Variants in CCDC91 observed in about 807,000 individuals in gnomAD.
CCDC91 encodes the protein coiled-coil domain-containing protein 91.
In CCDC91, 48 loss-of-function variants were observed where a neutral mutation model predicts 63.2. The observed-to-expected ratio is 0.76, with a 90% confidence interval of 0.60 to 0.97. The LOEUF (loss-of-function observed/expected upper bound fraction) is 0.97. Ranked by LOEUF, CCDC91 falls within the 50% of genes least tolerant of loss-of-function variation. CCDC91 has a pLI of 0.00. For synonymous variants in CCDC91, 167 were observed against 165.8 expected (o/e 1.01, Z -0.06); for missense variants, 500 against 494.6 (o/e 1.01, Z -0.10).
chr12:28,516,301 A>T (rs1358457706), intron 12 of CCDC91, among the ~76,000 whole-genome samples: 1 of 151,918 alleles, frequency 6.6e-6, no homozygotes, highest in Non-Finnish European at 1.5e-5. Context: ...GTAATTTGTA[A>T]TGAACAGAAA....
intron 11 of CCDC91, among the ~76,000 whole-genome samples, chr12:28,476,613 TA>T (rs1457644183): frequency 6.6e-6 from 1 of 151,910 alleles, no homozygotes; most frequent in African/African-American, 2.4e-5. Context: ...AAGAAATAAC[TA>T]AGATCAGAGC....
chr12:28,526,507 C>T, intron 12 of CCDC91, among the ~76,000 whole-genome samples: 1 of 151,986 alleles, frequency 6.6e-6, no homozygotes, highest in East Asian at 1.9e-4. Flanking sequence ...TATAGGTTAC[C>T]TGGTGTTTTT....
At chr12:28,383,959 A>C (rs956114201) in intron 7 of CCDC91, among the ~76,000 whole-genome samples, 1 of 152,154 alleles carries the variant, frequency 6.6e-6, no homozygotes, top group Non-Finnish European at 1.5e-5. Flanking sequence ...TCTGAATTAT[A>C]GGCAAACAAA....
At chr12:28,434,475 A>G (rs1948791839) in intron 8 of CCDC91, among the ~76,000 whole-genome samples, 1 of 151,352 alleles carries the variant, frequency 6.6e-6, no homozygotes, top group South Asian at 2.1e-4. Flanking sequence ...GTTCATTGTG[A>G]CATATTATTC....
intron 12 of CCDC91, among the ~76,000 whole-genome samples, chr12:28,491,861 TTGTGTGTGTGTGTG>T (rs35451448): frequency 1.8e-4 from 26 of 145,142 alleles, no homozygotes; most frequent in Non-Finnish European, 2.9e-4. Flanking sequence ...GTCAAAAATT[TTGTGTGTGTGTGTG>T]TGTGTGTGTG....
chr12:28,438,037 G>C (rs1208692276), intron 8 of CCDC91, among the ~76,000 whole-genome samples: 1 of 152,138 alleles, frequency 6.6e-6, no homozygotes, highest in East Asian at 1.9e-4. Context: ...AATAGGAATT[G>C]TAGAGTGTAA....
intron 3 of CCDC91, among the ~76,000 whole-genome samples, chr12:28,264,314 T>G (rs1169701926): frequency 6.6e-6 from 1 of 151,064 alleles, no homozygotes; most frequent in African/African-American, 2.4e-5. Flanking sequence ...GCATCTAACA[T>G]AAGAAAGTTT....
In CCDC91 at chr12:28,546,745, G is replaced by GA. The variant is rs143112006; in HGVS notation, c.1216-2309dup. ...TGAAAACTATGCAACGGTTTAAAAG[G>GA]AAAAAAAAACAAGAGACACTGATCC... On this transcript the variant is annotated intron_variant, in intron 12 of 12. Coordinates refer to ENST00000536442, the MANE Select transcript of CCDC91 (RefSeq NM_018318.5). Among the ~76,000 whole-genome samples, 363 of 148,624 alleles carry GA rather than the reference G, an allele frequency of 2.4e-3. 3 individuals carry two copies. Among genetic ancestry groups the GA allele is most frequent in the South Asian group, 0.018 (85 of 4,670 alleles).
chr12:28,397,796 A>G (rs572677397), intron 8 of CCDC91, among the ~76,000 whole-genome samples: 1 of 152,298 alleles, frequency 6.6e-6, no homozygotes, highest in East Asian at 1.9e-4. Flanking sequence ...AATGCTACCA[A>G]TACACATAAG....
chr12:28,325,039 G>A (rs1940857261), intron 6 of CCDC91, among the ~76,000 whole-genome samples: 2 of 151,882 alleles, frequency 1.3e-5, no homozygotes, highest in Admixed American at 6.6e-5. Flanking sequence ...TAATGTAATA[G>A]GAGAATGAAT....
intron 11 of CCDC91, among the ~76,000 whole-genome samples, chr12:28,458,947 C>T (rs1033677126): frequency 3.3e-5 from 5 of 151,956 alleles, no homozygotes; most frequent in African/African-American, 1.2e-4. Context: ...TCCCTGTAGC[C>T]TATAAGATAA....
chr12:28,243,038 C>T (rs1437533015), intron 1 of CCDC91, among the ~76,000 whole-genome samples: 2 of 152,144 alleles, frequency 1.3e-5, no homozygotes, highest in Admixed American at 6.5e-5. Context: ...CCTGCAGAAC[C>T]GTGGGCCAAT....
At chr12:28,413,190 C>G (rs1313514994) in intron 8 of CCDC91, among the ~76,000 whole-genome samples, 1 of 152,146 alleles carries the variant, frequency 6.6e-6, no homozygotes, top group Non-Finnish European at 1.5e-5. Flanking sequence ...CCCTGGGCAT[C>G]TCCCATATAT....
At chr12:28,271,365 A>G (rs1947759024) in intron 3 of CCDC91, among the ~76,000 whole-genome samples, 1 of 151,662 alleles carries the variant, frequency 6.6e-6, no homozygotes, top group Non-Finnish European at 1.5e-5. Flanking sequence ...AATTTTGTAA[A>G]TTTTATGCTT....
intron 1 of CCDC91, among the ~76,000 whole-genome samples, chr12:28,231,854 T>TGATTCA (rs1210645576): frequency 6.6e-6 from 1 of 152,210 alleles, no homozygotes; most frequent in East Asian, 1.9e-4. Context: ...TAAGTGAATC[T>TGATTCA]GATTCAGGCA....
intron 1 of CCDC91, among the ~76,000 whole-genome samples, chr12:28,254,859 C>T (rs1466906022): frequency 6.6e-6 from 1 of 150,866 alleles, no homozygotes; most frequent in Non-Finnish European, 1.5e-5. Context: ...GCAACCTCCA[C>T]CTCTCAGGTT....
intron 8 of CCDC91, among the ~76,000 whole-genome samples, chr12:28,441,085 G>GAAAAAA (rs67954730): frequency 1.4e-4 from 8 of 55,484 alleles, no homozygotes; most frequent in South Asian, 7.1e-4. Flanking sequence ...AAAAAAAAAA[G>GAAAAAA]AAAAGAAAAA....
At chr12:28,297,141 T>C (rs1949606387) in intron 3 of CCDC91, among the ~76,000 whole-genome samples, 1 of 151,968 alleles carries the variant, frequency 6.6e-6, no homozygotes, top group African/African-American at 2.4e-5. Context: ...ATATTCTTCT[T>C]GAATTATTTT....
chr12:28,524,106 G>A (rs1336630133), intron 12 of CCDC91, among the ~76,000 whole-genome samples: 8 of 152,018 alleles, frequency 5.3e-5, no homozygotes, highest in East Asian at 3.9e-4. Flanking sequence ...TGGATCTCTC[G>A]GCCAAAATTC....
Sources: allele counts gnomAD v4.1 joint callset (sites outside exome capture counted in the v4.1 genomes callset), GRCh38; gene constraint gnomAD v4.1.1; transcripts MANE v1.5; gene names NCBI Gene and HGNC (gene_info 2026-07-23, HGNC 2026-07-21).